Variants in LMO7 observed in about 807,000 individuals in gnomAD.
LMO7 encodes the protein LIM domain 7, also known as LIM domain only protein 7.
Under a neutral mutation model 206.5 loss-of-function variants are expected in LMO7, and 120 were observed. The observed-to-expected ratio is 0.58, with a 90% CI of 0.50 to 0.68. The LOEUF (loss-of-function observed/expected upper bound fraction) is 0.68, where lower values mean the gene tolerates loss of function less well. Ranked by LOEUF, LMO7 falls within the 30% of genes least tolerant of loss-of-function variation. LMO7 has a pLI of 0.00. For synonymous variants in LMO7, 706 were observed against 681.5 expected, an observed-to-expected ratio of 1.04 and a Z score of -0.56; for missense variants, 1,959 against 1,957.9, an observed-to-expected ratio of 1.00 and a Z score of -0.01.
At chr13:75,672,474 C>T (rs2039672076) in intron 1 of LMO7, among the ~76,000 whole-genome samples, 1 of 152,158 alleles carries the variant, frequency 6.6e-6, no homozygotes. Flanking sequence ...CTCCCTACCT[C>T]AGGTGATACA....
intron 16 of LMO7, among the ~76,000 whole-genome samples, chr13:75,833,663 AC>A: frequency 6.6e-6 from 1 of 152,106 alleles, no homozygotes; most frequent in Non-Finnish European, 1.5e-5. Context: ...TCTTTGCAAA[AC>A]ATTACAAGGC....
In LMO7 at chr13:75,681,714, ATATG is replaced by A. The variant is rs1390671278; in HGVS notation, c.70-31464_70-31461del. 8.9e-4 allele frequency among the ~76,000 whole-genome samples: 99 copies of A among 111,390 alleles called. 2 individuals are homozygous for A. The highest frequency in any genetic ancestry group is 5.2e-3 in the Middle Eastern group (1 of 192). The allele number at this position is 111,390 out of a possible 152,430, so 73.1% of individuals were successfully genotyped here. A position where few individuals can be genotyped will look rare whatever the true frequency, so the allele number is the denominator to read the frequency against. On this transcript the variant is annotated intron_variant, in intron 1 of 30. Coordinates refer to ENST00000377534, the MANE Select transcript of LMO7 (RefSeq NM_001306080.2). ...TATGTATGTATGTATGTGTATATATATATGTATATATATATATATATATATATAT... is the reference window on the plus strand; with the variant it reads ...TATGTATGTATGTATGTGTATATATATATATATATATATATATATATATAT...
chr13:75,828,026 G>A lies in LMO7; in HGVS notation c.2949+4153G>A, dbSNP rs3783027. On this transcript the variant is annotated intron_variant, in intron 15 of 30. Transcript: ENST00000377534. Reference sequence around the variant, plus strand: ...CAATCCTACATTTCTCACTGTCAGCGCAGTGTCTGCATCTGTACATGTTCA... The same window carrying A: ...CAATCCTACATTTCTCACTGTCAGCACAGTGTCTGCATCTGTACATGTTCA... 8.8e-3 allele frequency among the ~76,000 whole-genome samples: 1,345 copies of A among 152,260 alleles called. 29 individuals are homozygous for A. The East Asian group carries it at 0.095, about 11-fold the overall frequency.
intron 1 of LMO7, among the ~76,000 whole-genome samples, chr13:75,712,285 T>C (rs569942508): frequency 6.6e-6 from 1 of 152,276 alleles, no homozygotes; most frequent in East Asian, 1.9e-4. Context: ...TACTCCTGTT[T>C]TTACGTGGTG....
chr13:75,626,595 A>ATATATATATATATATATATATTTTTTTT, intron 2 of LMO7, among the ~76,000 whole-genome samples: 1 of 71,098 alleles, frequency 1.4e-5, no homozygotes, highest in African/African-American at 3.6e-5. Context: ...ATATATATAA[A>ATATATATATATATATATATATTTTTTTT]TTTTTTTGAG....
intron 11 of LMO7, among the ~76,000 whole-genome samples, chr13:75,816,616 G>T (rs1261008681): frequency 6.6e-6 from 1 of 152,144 alleles, no homozygotes; most frequent in African/African-American, 2.4e-5. Flanking sequence ...ACTACCTGTG[G>T]TGCGTTGAGA....
chr13:75,774,759 G>A (rs1464297551), intron 4 of LMO7, among the ~76,000 whole-genome samples: 4 of 152,022 alleles, frequency 2.6e-5, no homozygotes, highest in African/African-American at 9.7e-5. Flanking sequence ...GTGGTTAGAA[G>A]CCCTTTGTTA....
At chr13:75,832,944 A>G in intron 15 of LMO7, 107 bp from the exon 16 acceptor site, 2 of 607,896 alleles carry the variant, frequency 3.3e-6, no homozygotes, top group Non-Finnish European at 6.0e-6. Flanking sequence ...TTATCATGAA[A>G]TGATTCAAGT....
chr13:75,701,847 A>G (rs770384286), intron 1 of LMO7, among the ~76,000 whole-genome samples: 3 of 152,304 alleles, frequency 2.0e-5, no homozygotes, highest in South Asian at 4.1e-4. Flanking sequence ...CGGTGAACTT[A>G]CCTGGCCCCT....
chr13:75,752,319 C>T (rs1439405834), intron 3 of LMO7, among the ~76,000 whole-genome samples: 6 of 151,860 alleles, frequency 4.0e-5, no homozygotes, highest in South Asian at 2.1e-4. Context: ...TTAGTAGAGA[C>T]GGGGTTTCAC....
rs144929980 is a variant in LMO7, at chr13:75,855,277, G to A, written c.4679G>A (p.Arg1560His). The A allele has an allele frequency of 3.3e-4, 532 of 1,611,852 alleles. 5 individuals carry two copies. The East Asian group carries it at 8.7e-3, about 26-fold the overall frequency. Reference sequence around the variant, plus strand: ...GCATCTAGGTCAGTCAGTGGGAAGCGCATATGCTCCTACTGCAATAACATT... The same window carrying A: ...GCATCTAGGTCAGTCAGTGGGAAGCACATATGCTCCTACTGCAATAACATT... ...QLRNRSVSGKRICSYCNNILG... is the reference protein window; with the variant it reads ...QLRNRSVSGKHICSYCNNILG... The change falls in exon 29 of 31, where the codon CGC becomes CAC. Residue 1560 changes from arginine (R) to histidine (H), a missense_variant. Transcript: ENST00000377534.
intron 2 of LMO7, among the ~76,000 whole-genome samples, chr13:75,719,007 C>T (rs1430930053): frequency 2.8e-5 from 4 of 143,588 alleles, no homozygotes; most frequent in Non-Finnish European, 3.0e-5. Flanking sequence ...GAGATGGAGT[C>T]TCACTCTTGT....
chr13:75,682,003 G>A (rs772380877), intron 1 of LMO7, among the ~76,000 whole-genome samples: 1 of 151,910 alleles, frequency 6.6e-6, no homozygotes, highest in Non-Finnish European at 1.5e-5. Flanking sequence ...AAATACTGAA[G>A]AGTGGGATTG....
chr13:75,854,590 G>T (rs1483447952), intron 28 of LMO7, among the ~76,000 whole-genome samples: 2 of 152,092 alleles, frequency 1.3e-5, no homozygotes, highest in Non-Finnish European at 2.9e-5. Flanking sequence ...GGAAGAACGG[G>T]TGCCGCCTTA....
At chr13:75,855,403 A>G (rs1478389366) in intron 29 of LMO7, 35 bp downstream of exon 29, 2 of 1,437,226 alleles carry the variant, frequency 1.4e-6, no homozygotes, top group Non-Finnish European at 2.0e-6. Context: ...AGGCCTGCAA[A>G]GCTTTGCTTG....
At chr13:75,834,113 A>G (rs3736859) in intron 16 of LMO7, 113 bp from the exon 17 acceptor site, 40,490 of 735,108 alleles carry the variant, frequency 0.055, 1,532 homozygotes, top group East Asian at 0.12. Context: ...CACCTGAAAA[A>G]GAGAGAAATG....
intron 1 of LMO7, among the ~76,000 whole-genome samples, chr13:75,695,092 G>T (rs1440167966): frequency 6.6e-6 from 1 of 152,152 alleles, no homozygotes; most frequent in African/African-American, 2.4e-5. Flanking sequence ...TCTTCAATTT[G>T]TTATGTTCAT....
intron 3 of LMO7, among the ~76,000 whole-genome samples, chr13:75,734,641 T>C (rs1465406245): frequency 6.6e-6 from 1 of 152,226 alleles, no homozygotes; most frequent in African/African-American, 2.4e-5. Context: ...AATATCTGTC[T>C]AGGAGAGAAG....
rs142994139 is a variant in LMO7, at chr13:75,823,574, G to A, written c.2650G>A (p.Ala884Thr). Residue 884 changes from alanine to threonine, a missense_variant, in exon 15 of 31, where the codon GCT (alanine) becomes ACT (threonine). Transcript: ENST00000377534. ...SLPRSYTMDD[A>T]WKYNGDVEDI... ...ATGTTTTCTTATTTAGATGGATGAT[G>A]CTTGGAAGTATAATGGAGATGTTGA... The A allele has an allele frequency of 0.012, 18,506 of 1,605,452 alleles. 161 individuals carry two copies. The highest frequency in any genetic ancestry group is 0.013 in the Non-Finnish European group (15,336 of 1,172,534).
Sources: gnomAD v4.1 joint callset for allele counts (sites outside exome capture counted in the v4.1 genomes callset) on GRCh38, gnomAD v4.1.1 for gene constraint, MANE v1.5 for transcripts, NCBI Gene and HGNC (gene_info 2026-07-23, HGNC 2026-07-21) for gene names.